Variants in ZNF283 observed in about 807,000 individuals in gnomAD.
ZNF283 encodes the protein zinc finger protein 41.
Under a neutral mutation model 9.2 loss-of-function variants are expected in ZNF283, and 10 were observed. That is an observed-to-expected ratio of 1.09 (90% CI 0.67 to 1.85). The LOEUF is 1.85. Among genes scored for constraint, ZNF283 ranks in the 40% most tolerant of loss-of-function variants. The pLI, the probability that ZNF283 is intolerant of heterozygous loss-of-function variation, is 0.00. For missense variants in ZNF283, 631 were observed against 760.1 expected, an observed-to-expected ratio of 0.83 and a Z score of 2.00; for synonymous variants, 234 against 244.1, an observed-to-expected ratio of 0.96 and a Z score of 0.38.
Position 43,843,255 on chromosome 19 carries a change from C to T in ZNF283, c.338-3684C>T, listed in dbSNP as rs1036018966. ...ACTCGGGAGGCTGAGGCAGGAGAAT[C>T]GCTTGAACCCGAGAGGCGGAGGTTG... On this transcript the variant is annotated intron_variant, in intron 6 of 6. Transcript: ENST00000618787. 9.2e-5 allele frequency among the ~76,000 whole-genome samples: 14 copies of T among 152,278 alleles called. No individual in the cohort carries two copies. The East Asian group carries it at 1.5e-3, about 17-fold the overall frequency.
At position 43,848,239 on chromosome 19, in the gene ZNF283, A is replaced by G. The variant is rs765040276; in HGVS notation, c.1638A>G (p.Lys546=). The change falls in exon 7 of 7, where the codon AAA becomes AAG. Residue 546 remains lysine (K), a synonymous_variant. Transcript: ENST00000618787. ...IHTGEKPYEC[K]ECGKAFSRGY... ...CAGGGGAGAAACCCTATGAATGTAA[A>G]GAATGTGGGAAGGCTTTTAGTCGTG... 8 of 1,613,234 alleles carry G rather than the reference A, an allele frequency of 5.0e-6. No individual in the cohort carries two copies. The highest frequency in any genetic ancestry group is 6.8e-6 in the Non-Finnish European group (8 of 1,179,804).
intron 6 of ZNF283, among the ~76,000 whole-genome samples, chr19:43,838,564 G>C (rs1484470875): frequency 6.6e-6 from 1 of 152,166 alleles, no homozygotes; most frequent in Admixed American, 6.5e-5. Flanking sequence ...AAGAGGTTGA[G>C]GCTGCAGTGA....
At chr19:43,830,100 G>T (rs900839492) in intron 2 of ZNF283, among the ~76,000 whole-genome samples, 17 of 152,146 alleles carry the variant, frequency 1.1e-4, no homozygotes, top group African/African-American at 3.9e-4. Context: ...GTTTAAACAG[G>T]TTCTTGGCCT....
chr19:43,836,814 T>A (rs57724096), intron 5 of ZNF283, among the ~76,000 whole-genome samples: 2,824 of 152,336 alleles, frequency 0.019, 95 homozygotes, highest in African/African-American at 0.065. Flanking sequence ...TCTGGATAGC[T>A]GAGTTATCTC....
In ZNF283 at chr19:43,848,489, A is replaced by G. The variant is rs375804841; in HGVS notation, c.1888A>G (p.Lys630Glu). ...TACTGGTGAGAAGCTTTATCAACGT[A>G]AGGAATTCGGGAAGACCTTTACTTG... is the stretch of plus-strand genomic sequence containing the variant. ...FHTGEKLYQR[K>E]EFGKTFTCGS... Residue 630 changes from lysine (K) to glutamate (E), a missense_variant, in exon 7 of 7, where the codon AAG becomes GAG. Physicochemically the swap from Lys to Glu is moderately conservative, Grantham distance 56. This residue lies in a region of ZNF283 where 444 missense variants were observed against 522.5 expected (regional missense o/e 0.85). Coordinates refer to ENST00000618787, the MANE Select transcript of ZNF283 (RefSeq NM_181845.2). 2 of 1,613,412 alleles carry G rather than the reference A, an allele frequency of 1.2e-6. No homozygotes were observed. Among genetic ancestry groups the G allele is most frequent in the Non-Finnish European group, 8.5e-7 (1 of 1,179,552 alleles).
In ZNF283 at chr19:43,847,149, A is replaced by G; in HGVS notation, c.548A>G (p.Glu183Gly). Reference sequence around the variant, plus strand: ...TTCAGTCAAATGATAATCAGCTATGAAAAAATACCTTCTTACAGAAAAAGT... The same window carrying G: ...TTCAGTCAAATGATAATCAGCTATGGAAAAATACCTTCTTACAGAAAAAGT... ...GYFSQMIISY[E>G]KIPSYRKSKS... Residue 183 changes from glutamate (E) to glycine (G), a missense_variant, in exon 7 of 7, where the codon GAA becomes GGA. Glu to Gly is a moderately conservative substitution (Grantham distance 98). Coordinates refer to ENST00000618787, the MANE Select transcript of ZNF283 (RefSeq NM_181845.2). 6.2e-7 allele frequency: 1 copy of G among 1,613,592 alleles called. No individual in the cohort carries two copies. The highest frequency in any genetic ancestry group is 8.5e-7 in the Non-Finnish European group (1 of 1,179,670).
chr19:43,844,367 A>C (rs1170918503), intron 6 of ZNF283, among the ~76,000 whole-genome samples: 1 of 152,200 alleles, frequency 6.6e-6, no homozygotes, highest in Non-Finnish European at 1.5e-5. Context: ...TTAAATCTAA[A>C]TCTATAATGT....
At chr19:43,837,512 A>G (rs1971032374) in intron 6 of ZNF283, 1 of 373,958 alleles carries the variant, frequency 2.7e-6, no homozygotes. Context: ...TATATTGAAT[A>G]TCTACTCCTG....
At chr19:43,834,294 A>G (rs566499094) in intron 4 of ZNF283, among the ~76,000 whole-genome samples, 4 of 152,260 alleles carry the variant, frequency 2.6e-5, no homozygotes, top group African/African-American at 9.6e-5. Flanking sequence ...CCTCCCCTCA[A>G]AAAATGAAAA....
chr19:43,832,340 A>G (rs1487959389), intron 3 of ZNF283, among the ~76,000 whole-genome samples: 4 of 152,254 alleles, frequency 2.6e-5, no homozygotes, highest in African/African-American at 9.6e-5. Flanking sequence ...AGGTGTAAAT[A>G]CCAGGAGGTA....
chr19:43,849,330 A>G lies in ZNF283; in HGVS notation c.*689A>G, dbSNP rs1247864154. 6.6e-6 allele frequency: 1 copy of G among 152,196 alleles called. No individual in the cohort carries two copies. The highest frequency in any genetic ancestry group is 1.5e-5 in the Non-Finnish European group (1 of 68,012). The allele number at this position is 152,196 out of a possible 1,614,324, so 9.4% of individuals were successfully genotyped here. A position where few individuals can be genotyped will look rare whatever the true frequency, so the allele number is the denominator to read the frequency against. ...TTACAAAATTATCAGTCCATAAATG[A>G]TTGAGAATTGAAAACAAAGTTTGTT... On this transcript the variant is annotated 3_prime_UTR_variant, in exon 7 of 7. Transcript: ENST00000618787.
At chr19:43,844,552 C>G (rs1438273835) in intron 6 of ZNF283, among the ~76,000 whole-genome samples, 1 of 152,156 alleles carries the variant, frequency 6.6e-6, no homozygotes, top group Non-Finnish European at 1.5e-5. Context: ...AGAATCTTTA[C>G]ACCCAAATGT....
At position 43,849,697 on chromosome 19, in the gene ZNF283, A is replaced by G. The variant is rs1288068862; in HGVS notation, c.*1056A>G. 6.6e-6 allele frequency: 1 copy of G among 152,196 alleles called. No homozygotes were observed. The highest frequency in any genetic ancestry group is 1.5e-5 in the Non-Finnish European group (1 of 68,024). The allele number at this position is 152,196 out of a possible 1,614,324, so 9.4% of individuals were successfully genotyped here. ...ATACTGTCATCACCATTTCACCTCC[A>G]TACTACCTGTAGGATGGTGAGCAAA... On this transcript the variant is annotated 3_prime_UTR_variant, in exon 7 of 7. Coordinates refer to ENST00000618787, the MANE Select transcript of ZNF283 (RefSeq NM_181845.2).
chr19:43,839,983 A>AT (rs902618078), intron 6 of ZNF283, among the ~76,000 whole-genome samples: 9 of 151,424 alleles, frequency 5.9e-5, no homozygotes, highest in Middle Eastern at 3.4e-3. Context: ...ATGCTTTGTA[A>AT]TTTTTTTTGT....
At chr19:43,846,789 G>T in intron 6 of ZNF283, 150 bp from the exon 7 acceptor site, 1 of 591,882 alleles carries the variant, frequency 1.7e-6, no homozygotes, top group South Asian at 2.7e-5. Context: ...GCAAAATCAA[G>T]GCTGAGTTTG....
chr19:43,830,866 G>A (rs1327962013), intron 2 of ZNF283, among the ~76,000 whole-genome samples: 17 of 129,806 alleles, frequency 1.3e-4, no homozygotes, highest in African/African-American at 4.8e-4. Context: ...TTGCACCACT[G>A]CACTCCAGCC....
rs1971566232 is a variant in ZNF283 at position 43,850,154 on chromosome 19, T to C, written c.*1513T>C. ...CACACATTAGTTTCATTCCTCATGGTGAAATTTGATATGGGCCTCTCCTTC... is the reference window on the plus strand; with the variant it reads ...CACACATTAGTTTCATTCCTCATGGCGAAATTTGATATGGGCCTCTCCTTC... On this transcript the variant is annotated 3_prime_UTR_variant, in exon 7 of 7. Coordinates refer to ENST00000618787, the MANE Select transcript of ZNF283 (RefSeq NM_181845.2). The C allele has an allele frequency of 6.6e-6, 1 of 152,170 alleles. No homozygotes were observed. The highest frequency in any genetic ancestry group is 2.4e-5 in the African/African-American group (1 of 41,440). 9.4% of individuals were successfully genotyped at this position (152,170 alleles called of 1,614,324 possible). A position where few individuals can be genotyped will look rare whatever the true frequency, so the allele number is the denominator to read the frequency against.
chr19:43,837,014 C>T (rs768954067), intron 5 of ZNF283, 39 bp from the exon 6 acceptor site: 1 of 1,608,194 alleles, frequency 6.2e-7, no homozygotes, highest in South Asian at 1.1e-5. Flanking sequence ...GAAATGTTTT[C>T]TTTAATTTCA....
Position 43,847,679 on chromosome 19 carries a change from T to C in ZNF283, c.1078T>C (p.Tyr360His). The C allele has an allele frequency of 2.5e-6, 4 of 1,613,524 alleles. No homozygotes were observed. Among genetic ancestry groups the C allele is most frequent in the South Asian group, 2.2e-5 (2 of 91,060 alleles). Residue 360 changes from tyrosine to histidine, a missense_variant, in exon 7 of 7, where the codon TAT (tyrosine) becomes CAT (histidine). Physicochemically the swap from Tyr to His is moderately conservative, Grantham distance 83. Around this residue, in one of 3 missense-constraint regions of ZNF283, gnomAD observed 444 missense variants for 522.5 expected, o/e 0.85. Coordinates refer to ENST00000618787, the MANE Select transcript of ZNF283 (RefSeq NM_181845.2). ...KECGKAFSRG[Y>H]QLTQHQKIHT... is the part of the protein sequence containing the mutation. Reference sequence around the variant, plus strand: ...ATGTGGGAAGGCCTTCAGTCGTGGCTATCAGCTTACTCAGCATCAGAAAAT... The same window carrying C: ...ATGTGGGAAGGCCTTCAGTCGTGGCCATCAGCTTACTCAGCATCAGAAAAT...
Sources: gnomAD v4.1 joint callset for allele counts (sites outside exome capture counted in the v4.1 genomes callset) on GRCh38, gnomAD v4.1.1 for gene constraint, gnomAD v4.1.1 regional missense constraint, MANE v1.5 for transcripts, NCBI Gene and HGNC (gene_info 2026-07-23, HGNC 2026-07-21) for gene names.